The following PAIP2 variants were observed in gnomAD, a reference collection of about 807,000 sequenced individuals.
PAIP2 encodes the protein poly(A) binding protein interacting protein 2, also known as polyadenylate-binding protein-interacting protein 2.
A neutral mutation model predicts 14.8 loss-of-function variants in PAIP2; 7 were observed. The ratio of observed to expected loss-of-function variants is 0.47; its 90% CI spans 0.27 to 0.89. The LOEUF is 0.89. PAIP2 is among the 40% of genes least tolerant of loss of function. PAIP2 has a pLI of 0.13. For missense variants in PAIP2, 122 were observed against 154.7 expected, an observed-to-expected ratio of 0.79 and a Z score of 1.12; for synonymous variants, 47 against 45.3, an observed-to-expected ratio of 1.04 and a Z score of -0.15.
chr5:139,355,259 T>G (rs1224461582), intron 1 of PAIP2, among the ~76,000 whole-genome samples: 1 of 151,436 alleles, frequency 6.6e-6, no homozygotes, highest in African/African-American at 2.4e-5. Context: ...AACCTCCACT[T>G]CTTGGGTTCA....
chr5:139,368,914 A>G lies in PAIP2; in HGVS notation c.*116A>G. ...CTGTGTTACACTTATGCATTGCCAA[A>G]GTTTTTGTTAGTCTTGCATGCTTAA... On this transcript the variant is annotated 3_prime_UTR_variant, in exon 4 of 4. Transcript: ENST00000265192. The G allele has an allele frequency of 1.4e-6, 1 of 702,014 alleles. No individual in the cohort carries two copies. Among genetic ancestry groups the G allele is most frequent in the Non-Finnish European group, 2.5e-6 (1 of 406,328 alleles). 43.5% of individuals were successfully genotyped at this position (702,014 alleles called of 1,614,324 possible).
At chr5:139,348,976 T>A (rs1206806869) in intron 1 of PAIP2, among the ~76,000 whole-genome samples, 1 of 152,030 alleles carries the variant, frequency 6.6e-6, no homozygotes, top group African/African-American at 2.4e-5. Context: ...GTGCATGGCC[T>A]GAGTGATGAA....
chr5:139,363,160 A>G (rs1226941275), intron 1 of PAIP2, among the ~76,000 whole-genome samples: 1 of 151,822 alleles, frequency 6.6e-6, no homozygotes, highest in Admixed American at 6.6e-5. Flanking sequence ...AGAATCGCTT[A>G]AACATGGGCA....
At chr5:139,362,366 A>G (rs56013793) in intron 1 of PAIP2, among the ~76,000 whole-genome samples, 1 of 145,564 alleles carries the variant, frequency 6.9e-6, no homozygotes, top group Non-Finnish European at 1.5e-5. Context: ...GATTACAGGC[A>G]TGTACCACCA....
intron 1 of PAIP2, among the ~76,000 whole-genome samples, chr5:139,355,787 G>A (rs1280650710): frequency 6.6e-6 from 1 of 152,040 alleles, no homozygotes; most frequent in Non-Finnish European, 1.5e-5. Flanking sequence ...AACCCAGGAG[G>A]CGGAGGTTGC....
chr5:139,347,083 A>G (rs984864356), intron 1 of PAIP2, among the ~76,000 whole-genome samples: 1 of 152,170 alleles, frequency 6.6e-6, no homozygotes, highest in Non-Finnish European at 1.5e-5. Flanking sequence ...TGCTAGGATT[A>G]TAGGTGTGAG....
intron 1 of PAIP2, among the ~76,000 whole-genome samples, chr5:139,362,798 C>T (rs1262768663): frequency 1.3e-5 from 2 of 152,024 alleles, no homozygotes; most frequent in Non-Finnish European, 2.9e-5. Context: ...CCCCCGCCTC[C>T]CAAAGTGCCG....
intron 1 of PAIP2, among the ~76,000 whole-genome samples, chr5:139,358,608 G>A (rs1352487042): frequency 6.6e-6 from 1 of 152,148 alleles, no homozygotes; most frequent in Non-Finnish European, 1.5e-5. Flanking sequence ...AAGTGGAAAC[G>A]ACTGCAGATG....
At chr5:139,344,862 C>T (rs1353391182) in intron 1 of PAIP2, among the ~76,000 whole-genome samples, 1 of 151,750 alleles carries the variant, frequency 6.6e-6, no homozygotes, top group African/African-American at 2.4e-5. Flanking sequence ...CCTTTAACTG[C>T]CCTAAATATT....
At chr5:139,362,367 T>C (rs1273574425) in intron 1 of PAIP2, among the ~76,000 whole-genome samples, 1 of 151,352 alleles carries the variant, frequency 6.6e-6, no homozygotes, top group African/African-American at 2.4e-5. Flanking sequence ...ATTACAGGCA[T>C]GTACCACCAT....
intron 3 of PAIP2, among the ~76,000 whole-genome samples, chr5:139,365,679 A>C (rs1196343659): frequency 6.6e-6 from 1 of 151,228 alleles, no homozygotes; most frequent in Admixed American, 6.6e-5. Flanking sequence ...AAAAAAAAGG[A>C]AAAAGGAATT....
At chr5:139,346,076 G>GA (rs11399983) in intron 1 of PAIP2, among the ~76,000 whole-genome samples, 2,730 of 152,210 alleles carry the variant, frequency 0.018, 82 homozygotes, top group African/African-American at 0.062. Flanking sequence ...TTCAGGAGGG[G>GA]AAAAACAGCT....
At chr5:139,364,379 CAT>C (rs201779483) in intron 2 of PAIP2, among the ~76,000 whole-genome samples, 183 bp from the exon 3 acceptor site, 2,061 of 152,258 alleles carry the variant, frequency 0.014, 22 homozygotes, top group Non-Finnish European at 0.022. Context: ...AAAGTAAAAA[CAT>C]AGAAAAACCC....
chr5:139,363,255 A>G (rs905504476), intron 1 of PAIP2, among the ~76,000 whole-genome samples: 13 of 152,068 alleles, frequency 8.5e-5, no homozygotes, highest in African/African-American at 2.9e-4. Flanking sequence ...AAAAAAAGAA[A>G]ACATTAGATG....
intron 1 of PAIP2, among the ~76,000 whole-genome samples, chr5:139,357,655 A>T (rs1031423121): frequency 6.6e-6 from 1 of 151,348 alleles, no homozygotes; most frequent in South Asian, 2.1e-4. Context: ...ACATGGTGAA[A>T]CCCCGCCTCT....
At chr5:139,353,582 C>T (rs964459300) in intron 1 of PAIP2, among the ~76,000 whole-genome samples, 2 of 152,030 alleles carry the variant, frequency 1.3e-5, no homozygotes, top group African/African-American at 4.8e-5. Flanking sequence ...AGCTTCCTGT[C>T]GCCCACCATT....
At chr5:139,344,200 A>G (rs573640508) in intron 1 of PAIP2, among the ~76,000 whole-genome samples, 6 of 152,344 alleles carry the variant, frequency 3.9e-5, no homozygotes, top group South Asian at 4.1e-4. Flanking sequence ...TCACAGAGCT[A>G]TGATAGTCGG....
intron 1 of PAIP2, among the ~76,000 whole-genome samples, chr5:139,343,612 T>G (rs923151065): frequency 7.2e-5 from 11 of 152,198 alleles, no homozygotes; most frequent in African/African-American, 2.7e-4. Context: ...CTCTGCCCCC[T>G]TGTAATCTAA....
At chr5:139,350,885 CATG>C (rs1423145015) in intron 1 of PAIP2, among the ~76,000 whole-genome samples, 1 of 151,950 alleles carries the variant, frequency 6.6e-6, no homozygotes, top group Non-Finnish European at 1.5e-5. Context: ...TTATGATAAA[CATG>C]AGGAATAAGC....
Sources: gnomAD v4.1 joint callset for allele counts (sites outside exome capture counted in the v4.1 genomes callset) on GRCh38, gnomAD v4.1.1 for gene constraint, MANE v1.5 for transcripts, NCBI Gene and HGNC (gene_info 2026-07-23, HGNC 2026-07-21) for gene names.